Variants in NHS observed in about 807,000 individuals in gnomAD.
NHS encodes the protein NHS actin remodeling regulator.
In NHS, 5 loss-of-function variants were observed where a neutral mutation model predicts 72.5. The ratio of observed to expected loss-of-function variants is 0.07; its 90% CI spans 0.04 to 0.14. The LOEUF (loss-of-function observed/expected upper bound fraction) is 0.14, where lower values mean the gene tolerates loss of function less well. Ranked by LOEUF, NHS falls within the 10% of genes least tolerant of loss-of-function variation. The pLI, the probability that NHS is intolerant of heterozygous loss-of-function variation, is 1.00. For synonymous variants in NHS, 464 were observed against 547.7 expected (o/e 0.85, Z 2.13); for missense variants, 1,072 against 1,355.7 (o/e 0.79, Z 3.29).
chrX:17,446,087 T>C (rs1458135150), intron 1 of NHS, among the ~76,000 whole-genome samples: 1 of 110,243 alleles, frequency 9.1e-6, no homozygotes, highest in East Asian at 2.8e-4. Flanking sequence ...TGACAAATGC[T>C]CCTTCTAACA....
chrX:17,444,613 G>A (rs1425538092), intron 1 of NHS, among the ~76,000 whole-genome samples: 1 of 111,533 alleles, frequency 9.0e-6, no homozygotes, highest in Non-Finnish European at 1.9e-5. Flanking sequence ...GTCACTGGCT[G>A]TGCCTCAAGT....
chrX:17,700,646 A>G (rs1216016685), intron 3 of NHS, among the ~76,000 whole-genome samples: 1 of 111,729 alleles, frequency 9.0e-6, no homozygotes, highest in Admixed American at 9.5e-5. Context: ...TAACCAAACT[A>G]CATACGCACT....
At chrX:17,604,402 G>C (rs974682472) in intron 1 of NHS, among the ~76,000 whole-genome samples, 1 of 111,976 alleles carries the variant, frequency 8.9e-6, no homozygotes, top group Non-Finnish European at 1.9e-5. Flanking sequence ...AAACATGAAG[G>C]GTTTTCTAAA....
Position 17,375,718 on chromosome X carries a change from G to T in NHS, c.-40G>T. ...CGCCCGGTCTCCAGCTCACAGGGGCGCTTGGAGGAGACCAGAAAGTCGCCG... is the reference window on the plus strand; with the variant it reads ...CGCCCGGTCTCCAGCTCACAGGGGCTCTTGGAGGAGACCAGAAAGTCGCCG... On this transcript the variant is annotated 5_prime_UTR_variant, in exon 1 of 9. Coordinates refer to ENST00000676302, the MANE Select transcript of NHS (RefSeq NM_001291867.2). 8.7e-7 allele frequency: 1 copy of T among 1,149,351 alleles called. No homozygotes were observed. Among genetic ancestry groups the T allele is most frequent in the African/African-American group, 1.8e-5 (1 of 56,286 alleles). 94.7% of individuals were successfully genotyped at this position (1,149,351 alleles called of 1,213,427 possible).
intron 1 of NHS, among the ~76,000 whole-genome samples, chrX:17,453,415 G>A (rs1305579560): frequency 8.9e-6 from 1 of 111,776 alleles, no homozygotes; most frequent in Non-Finnish European, 1.9e-5. Flanking sequence ...AGTGTTAGCT[G>A]TACCTGTAAC....
rs138947081 is a variant in NHS, at chrX:17,534,028, T to C, written c.566-153714T>C. On this transcript the variant is annotated intron_variant, in intron 1 of 8. Transcript: ENST00000676302. ...TGTGATATTTTACTGTTTTCTCCCT[T>C]TTGATGATGAGTTCTCTAACCTACT... Among the ~76,000 whole-genome samples, 137 of 112,472 alleles carry C rather than the reference T, an allele frequency of 1.2e-3. 1 individual carries two copies. The highest frequency in any genetic ancestry group is 3.3e-3 in the South Asian group (9 of 2,733).
At chrX:17,700,450 AAAAAG>A (rs1432859855) in intron 3 of NHS, among the ~76,000 whole-genome samples, 2 of 110,125 alleles carry the variant, frequency 1.8e-5, no homozygotes, top group African/African-American at 3.3e-5. Context: ...TCAAAAAAAA[AAAAAG>A]AAAAGAAAAA....
intron 1 of NHS, among the ~76,000 whole-genome samples, chrX:17,545,426 C>T (rs1404730095): frequency 3.6e-5 from 4 of 111,971 alleles, no homozygotes. Flanking sequence ...TCGTCTATAC[C>T]TGGCCAGTCC....
At chrX:17,692,610 T>C in intron 3 of NHS, 142 bp downstream of exon 3, 1 of 750,857 alleles carries the variant, frequency 1.3e-6, no homozygotes, top group Non-Finnish European at 2.0e-6. Context: ...CAAATTAATT[T>C]CCCTTCCTTT....
At chrX:17,499,780 T>C (rs887786748) in intron 1 of NHS, among the ~76,000 whole-genome samples, 4 of 111,877 alleles carry the variant, frequency 3.6e-5, no homozygotes, top group African/African-American at 1.3e-4. Context: ...AGGAGAACTC[T>C]CCTGAGAAGT....
At chrX:17,464,986 C>T (rs972457662) in intron 1 of NHS, among the ~76,000 whole-genome samples, 2 of 112,140 alleles carry the variant, frequency 1.8e-5, no homozygotes, top group African/African-American at 6.5e-5. Context: ...AATACATGGA[C>T]ACTGGTATAT....
chrX:17,704,947 A>G (rs1432876481), intron 3 of NHS, among the ~76,000 whole-genome samples: 1 of 112,282 alleles, frequency 8.9e-6, no homozygotes, highest in South Asian at 3.7e-4. Flanking sequence ...AGCAAAGGAC[A>G]TATGGACAAG....
intron 1 of NHS, among the ~76,000 whole-genome samples, chrX:17,587,777 T>G (rs1259957623): frequency 1.8e-5 from 2 of 112,003 alleles, no homozygotes; most frequent in Non-Finnish European, 3.8e-5. Context: ...AGCATAATCT[T>G]TTACCAAAAT....
intron 1 of NHS, among the ~76,000 whole-genome samples, chrX:17,574,204 T>C (rs971343621): frequency 8.9e-6 from 1 of 112,070 alleles, no homozygotes; most frequent in East Asian, 2.8e-4. Context: ...GAACCACTGC[T>C]CTCTTCAGAG....
intron 1 of NHS, among the ~76,000 whole-genome samples, chrX:17,503,804 A>G (rs746125363): frequency 7.1e-4 from 79 of 111,687 alleles, no homozygotes; most frequent in Non-Finnish European, 1.1e-3. Flanking sequence ...CCATGTGTTG[A>G]AATAATTATT....
chrX:17,617,766 A>C (rs1285983698), intron 1 of NHS, among the ~76,000 whole-genome samples: 1 of 111,958 alleles, frequency 8.9e-6, no homozygotes, highest in East Asian at 2.8e-4. Context: ...AACTGAAATG[A>C]CTCTAGACCC....
At chrX:17,446,461 T>C (rs1206429952) in intron 1 of NHS, among the ~76,000 whole-genome samples, 1 of 109,698 alleles carries the variant, frequency 9.1e-6, no homozygotes, top group Non-Finnish European at 1.9e-5. Context: ...TTCTCCTGGC[T>C]CATCCTGGCT....
chrX:17,425,477 C>T (rs1168658462), intron 1 of NHS, among the ~76,000 whole-genome samples: 2 of 74,259 alleles, frequency 2.7e-5, no homozygotes, highest in Admixed American at 3.8e-4. Flanking sequence ...AGGCTAAGAA[C>T]TTTTCCTGAT....
intron 1 of NHS, among the ~76,000 whole-genome samples, chrX:17,505,258 T>C (rs1001848114): frequency 3.6e-5 from 4 of 111,877 alleles, no homozygotes; most frequent in Non-Finnish European, 5.6e-5. Context: ...CATTGCTGCA[T>C]TGTGTATTCT....
Sources: allele counts gnomAD v4.1 joint callset (sites outside exome capture counted in the v4.1 genomes callset), GRCh38; gene constraint gnomAD v4.1.1; transcripts MANE v1.5; gene names NCBI Gene and HGNC (gene_info 2026-07-23, HGNC 2026-07-21).